The following MCC variants were observed in gnomAD, a reference collection of about 807,000 sequenced individuals.
The protein encoded by MCC is colorectal mutant cancer protein.
Under a neutral mutation model 116.2 loss-of-function variants are expected in MCC, and 90 were observed. The observed-to-expected ratio is 0.77, with a 90% CI of 0.65 to 0.92. MCC has a LOEUF of 0.92. MCC is among the 40% of genes least tolerant of loss of function. MCC has a pLI of 0.00. For missense variants in MCC, 1,516 were observed against 1,312.2 expected, an observed-to-expected ratio of 1.16 and a Z score of -2.40; for synonymous variants, 578 against 510.5, an observed-to-expected ratio of 1.13 and a Z score of -1.78.
rs1561567934 is a variant in MCC at position 113,432,339 on chromosome 5, A to AAAAAG, written c.171-47132_171-47128dup. Among the ~76,000 whole-genome samples the AAAAAG allele has an allele frequency of 2.4e-3, 356 of 146,886 alleles. 1 individual carries two copies. Among genetic ancestry groups the AAAAAG allele is most frequent in the African/African-American group, 6.6e-3 (248 of 37,716 alleles). On this transcript the variant is annotated intron_variant, in intron 1 of 18. Coordinates refer to ENST00000408903, the MANE Select transcript of MCC (RefSeq NM_001085377.2). ...CTGTCTCAAAAAAAAAAAAAAAAAA[A>AAAAAG]AAAAGAAAAGAAAAAAAAACAGCTA...
intron 3 of MCC, among the ~76,000 whole-genome samples, chr5:113,228,111 A>C (rs963358665): frequency 6.6e-6 from 1 of 152,230 alleles, no homozygotes; most frequent in African/African-American, 2.4e-5. Flanking sequence ...TGAATGAACA[A>C]ATTTGCTTCT....
At chr5:113,089,282 T>C (rs1441472779) in intron 8 of MCC, among the ~76,000 whole-genome samples, 1 of 152,176 alleles carries the variant, frequency 6.6e-6, no homozygotes, top group East Asian at 1.9e-4. Context: ...GAACTCAATC[T>C]TGAAGGCTGA....
chr5:113,025,205 A>T lies in MCC; in HGVS notation c.*2097T>A, dbSNP rs935615041. On this transcript the variant is annotated 3_prime_UTR_variant, in exon 19 of 19. Transcript: ENST00000408903. The stretch of plus-strand genomic sequence containing the variant: ...CACATCCCACTTTGCTCAGGGGAGG[A>T]CGTTTCCCTAGGCAAGCTGGAAAAA... 5 of 151,760 alleles carry T rather than the reference A, an allele frequency of 3.3e-5. No individual in the cohort carries two copies. Among genetic ancestry groups the T allele is most frequent in the African/African-American group, 1.2e-4 (5 of 41,324 alleles). 9.4% of individuals were successfully genotyped at this position (151,760 alleles called of 1,614,324 possible).
intron 3 of MCC, among the ~76,000 whole-genome samples, chr5:113,201,405 A>C (rs1762674383): frequency 6.8e-6 from 1 of 146,338 alleles, no homozygotes; most frequent in African/African-American, 2.6e-5. Flanking sequence ...AAAAAAAAAA[A>C]CAAAGAAGAA....
chr5:113,206,749 C>A (rs1461400561), intron 3 of MCC, among the ~76,000 whole-genome samples: 1 of 152,164 alleles, frequency 6.6e-6, no homozygotes, highest in Non-Finnish European at 1.5e-5. Context: ...CTTTGAGGAA[C>A]CCTAGTCTTG....
chr5:113,166,702 A>AC (rs1554061297), intron 3 of MCC, among the ~76,000 whole-genome samples: 2 of 127,816 alleles, frequency 1.6e-5, no homozygotes, highest in East Asian at 4.6e-4. Context: ...GGCATCATTT[A>AC]TTTAAAAAAA....
intron 1 of MCC, among the ~76,000 whole-genome samples, chr5:113,426,434 G>A (rs1770485321): frequency 1.3e-5 from 2 of 152,174 alleles, no homozygotes; most frequent in Non-Finnish European, 2.9e-5. Context: ...TAGTTATGCT[G>A]TATCCACACA....
chr5:113,055,004 G>C (rs1752735712), intron 14 of MCC, among the ~76,000 whole-genome samples: 1 of 152,186 alleles, frequency 6.6e-6, no homozygotes, highest in Non-Finnish European at 1.5e-5. Flanking sequence ...ACTTGCACTG[G>C]GCCTCCCTAG....
chr5:113,138,576 C>A (rs1357376876), intron 5 of MCC, among the ~76,000 whole-genome samples: 7 of 152,222 alleles, frequency 4.6e-5, no homozygotes, highest in Non-Finnish European at 5.9e-5. Flanking sequence ...TAATCTTAGA[C>A]TTCCCAGCCC....
At chr5:113,382,951 C>G (rs1769159513) in intron 2 of MCC, among the ~76,000 whole-genome samples, 1 of 152,160 alleles carries the variant, frequency 6.6e-6, no homozygotes, top group Non-Finnish European at 1.5e-5. Flanking sequence ...TGAATCACCT[C>G]CTGTCAGTTA....
At chr5:113,053,996 G>A (rs1228891449) in intron 14 of MCC, 37 bp from the exon 15 acceptor site, 2 of 1,431,592 alleles carry the variant, frequency 1.4e-6, no homozygotes, top group Non-Finnish European at 9.8e-7. Context: ...ACCACCCTGT[G>A]TTATTCCAAG....
At chr5:113,284,043 T>C (rs1489806167) in intron 3 of MCC, among the ~76,000 whole-genome samples, 3 of 152,260 alleles carry the variant, frequency 2.0e-5, no homozygotes, top group Non-Finnish European at 4.4e-5. Flanking sequence ...GACTATGGTA[T>C]ATAATACATG....
At chr5:113,483,956 T>C (rs1772446185) in intron 1 of MCC, among the ~76,000 whole-genome samples, 3 of 151,954 alleles carry the variant, frequency 2.0e-5, no homozygotes, top group Admixed American at 2.0e-4. Context: ...GAAAACCAAA[T>C]ATCACATGGT....
At chr5:113,103,911 G>A (rs1362230085) in intron 7 of MCC, among the ~76,000 whole-genome samples, 3 of 152,152 alleles carry the variant, frequency 2.0e-5, no homozygotes, top group South Asian at 2.1e-4. Context: ...CTAAAATGAC[G>A]TGGTTCAATA....
chr5:113,273,386 A>G (rs1025423833), intron 3 of MCC, among the ~76,000 whole-genome samples: 1 of 152,218 alleles, frequency 6.6e-6, no homozygotes, highest in Non-Finnish European at 1.5e-5. Flanking sequence ...GAAAGTTGAT[A>G]TAAAGCTGGA....
intron 3 of MCC, among the ~76,000 whole-genome samples, chr5:113,163,223 G>A (rs78486695): frequency 0.059 from 9,031 of 152,128 alleles, 380 homozygotes; most frequent in East Asian, 0.17. Context: ...CATCTCAATA[G>A]TACAAAAGAG....
At chr5:113,470,037 G>T (rs1772037028) in intron 1 of MCC, among the ~76,000 whole-genome samples, 2 of 152,098 alleles carry the variant, frequency 1.3e-5, no homozygotes, top group Admixed American at 6.6e-5. Context: ...TTGCTTGGTA[G>T]ATCTTCCTCC....
chr5:113,470,005 T>C (rs377452299), intron 1 of MCC, among the ~76,000 whole-genome samples: 2 of 152,208 alleles, frequency 1.3e-5, no homozygotes, highest in East Asian at 1.9e-4. Context: ...GATTGCAACC[T>C]CTGCCTTTTT....
At chr5:113,127,737 G>A (rs1425887949) in intron 5 of MCC, among the ~76,000 whole-genome samples, 1 of 152,102 alleles carries the variant, frequency 6.6e-6, no homozygotes, top group African/African-American at 2.4e-5. Context: ...TATAGATGCT[G>A]GAAAGACCTT....
Sources: allele counts gnomAD v4.1 joint callset (sites outside exome capture counted in the v4.1 genomes callset), GRCh38; gene constraint gnomAD v4.1.1; transcripts MANE v1.5; gene names NCBI Gene and HGNC (gene_info 2026-07-23, HGNC 2026-07-21).